CRACD: variants seen among roughly 807,000 people sequenced by gnomAD.
CRACD encodes the protein capping protein inhibiting regulator of actin dynamics, also known as capping protein-inhibiting regulator of actin dynamics.
CRACD carries 56 observed loss-of-function variants against 106.8 expected under a neutral mutation model. The ratio of observed to expected loss-of-function variants is 0.52; its 90% CI spans 0.42 to 0.66. The LOEUF (loss-of-function observed/expected upper bound fraction) is 0.66, where lower values mean the gene tolerates loss of function less well. CRACD is among the 30% of genes least tolerant of loss of function. CRACD has a pLI of 0.00. For synonymous variants in CRACD, 754 were observed against 670.8 expected, an observed-to-expected ratio of 1.12 and a Z score of -1.92; for missense variants, 1,730 against 1,623.2, an observed-to-expected ratio of 1.07 and a Z score of -1.13.
intron 4 of CRACD, 102 bp from the exon 5 acceptor site, chr4:56,307,433 C>CT (rs1744802999): frequency 9.2e-7 from 1 of 1,087,252 alleles, no homozygotes; most frequent in East Asian, 2.4e-5. Context: ...CAGTTGTGCA[C>CT]AAGGTATGCC....
rs774720668 is a variant in CRACD, at chr4:56,314,790, C to T, written c.1288C>T (p.Leu430Phe). 10 of 1,600,114 alleles carry T rather than the reference C, an allele frequency of 6.2e-6. 1 individual carries two copies. The South Asian group carries it at 6.8e-5, about 11-fold the overall frequency. ...SELLNDFEERLEDQERLKPEG... is the reference protein window; with the variant it reads ...SELLNDFEERFEDQERLKPEG... ...GCTTCTGAACGACTTTGAGGAGAGG[C>T]TCGAAGACCAGGAACGCCTGAAACC... Residue 430 changes from leucine to phenylalanine, a missense_variant, in exon 8 of 11, where the codon CTC (leucine) becomes TTC (phenylalanine). Coordinates refer to ENST00000682029, the MANE Select transcript of CRACD (RefSeq NM_001393381.1). The surrounding 1 kb of genome is among the most constrained non-coding windows in gnomAD (Gnocchi z 4.4).
At chr4:56,272,003 C>A (rs576470744) in intron 2 of CRACD, among the ~76,000 whole-genome samples, 24 of 152,352 alleles carry the variant, frequency 1.6e-4, no homozygotes, top group African/African-American at 5.3e-4. Context: ...CTCAGCCTCC[C>A]AAAGTGTTGG....
intron 1 of CRACD, among the ~76,000 whole-genome samples, chr4:56,068,780 T>C (rs1260159558): frequency 6.6e-6 from 1 of 152,110 alleles, no homozygotes; most frequent in Non-Finnish European, 1.5e-5. Context: ...TGCATAAAGA[T>C]CTGGAGTTTG....
intron 1 of CRACD, among the ~76,000 whole-genome samples, chr4:56,153,425 C>A (rs1021182619): frequency 2.6e-5 from 4 of 152,176 alleles, no homozygotes; most frequent in African/African-American, 9.7e-5. Context: ...TCCACCAACC[C>A]CAGCTTCACT....
intron 2 of CRACD, among the ~76,000 whole-genome samples, chr4:56,262,892 A>C (rs1354467466): frequency 1.3e-5 from 2 of 152,200 alleles, no homozygotes; most frequent in Non-Finnish European, 2.9e-5. Flanking sequence ...TGAGGGTCTG[A>C]ATATACCTGT....
chr4:56,134,296 T>A (rs1321899313), intron 1 of CRACD, among the ~76,000 whole-genome samples: 1 of 152,176 alleles, frequency 6.6e-6, no homozygotes, highest in East Asian at 1.9e-4. Flanking sequence ...TGGCACTAAT[T>A]AATCATACCC....
intron 1 of CRACD, among the ~76,000 whole-genome samples, chr4:56,166,280 A>C (rs1450618095): frequency 6.6e-6 from 1 of 152,222 alleles, no homozygotes; most frequent in Non-Finnish European, 1.5e-5. Flanking sequence ...AAAATATGGA[A>C]AAAGTTATGT....
intron 10 of CRACD, among the ~76,000 whole-genome samples, chr4:56,327,106 C>G (rs1228863172): frequency 6.6e-6 from 1 of 152,164 alleles, no homozygotes; most frequent in East Asian, 1.9e-4. Flanking sequence ...ATGGAATTGA[C>G]TGGTTATCAT....
chr4:56,319,626 T>C (rs1237903255), intron 8 of CRACD, among the ~76,000 whole-genome samples: 1 of 152,004 alleles, frequency 6.6e-6, no homozygotes, highest in Non-Finnish European at 1.5e-5. Context: ...AAAAAAAAGC[T>C]TGATTTTGTT....
chr4:56,079,265 G>A (rs4364320), intron 1 of CRACD, among the ~76,000 whole-genome samples: 60,339 of 151,762 alleles, frequency 0.4, 13,561 homozygotes, highest in African/African-American at 0.62. Flanking sequence ...GACTGACTCT[G>A]AAGATATATA....
chr4:56,317,117 G>A (rs1259339630), intron 8 of CRACD, among the ~76,000 whole-genome samples: 1 of 152,198 alleles, frequency 6.6e-6, no homozygotes, highest in East Asian at 1.9e-4. Context: ...AGATACTAGG[G>A]AAGTTTAATT....
intron 1 of CRACD, among the ~76,000 whole-genome samples, chr4:56,137,809 C>G (rs1177844606): frequency 6.6e-6 from 1 of 152,196 alleles, no homozygotes; most frequent in Admixed American, 6.5e-5. Flanking sequence ...GCTATGGCAG[C>G]ACCACTGCAC....
At chr4:56,256,405 T>G (rs1484223099) in intron 2 of CRACD, among the ~76,000 whole-genome samples, 2 of 152,218 alleles carry the variant, frequency 1.3e-5, no homozygotes, top group Admixed American at 1.3e-4. Flanking sequence ...CTTTCTTTTG[T>G]AAATTGCCCA....
intron 1 of CRACD, among the ~76,000 whole-genome samples, chr4:56,125,213 T>A (rs1473626249): frequency 6.6e-6 from 1 of 152,198 alleles, no homozygotes; most frequent in East Asian, 1.9e-4. Context: ...GATTCTTGCC[T>A]AAATGAGTTA....
At chr4:56,054,521 G>A (rs771255478) in intron 1 of CRACD, among the ~76,000 whole-genome samples, 13 of 152,152 alleles carry the variant, frequency 8.5e-5, no homozygotes, top group Non-Finnish European at 1.2e-4. Flanking sequence ...AGATAAGAAC[G>A]AAATCAATTT....
intron 1 of CRACD, among the ~76,000 whole-genome samples, chr4:56,097,889 A>G (rs1733649610): frequency 1.3e-5 from 2 of 152,224 alleles, no homozygotes; most frequent in Admixed American, 6.5e-5. Flanking sequence ...ACTGTTTTAA[A>G]GAATTATCTC....
At chr4:56,317,909 A>C (rs1328574977) in intron 8 of CRACD, among the ~76,000 whole-genome samples, 1 of 152,088 alleles carries the variant, frequency 6.6e-6, no homozygotes, top group Non-Finnish European at 1.5e-5. Flanking sequence ...CCCCCAGAGA[A>C]CCTTCATCTA....
chr4:56,310,573 G>A lies in CRACD; in HGVS notation c.286-93G>A, dbSNP rs1226699073. ...CCAGCTGCACCCCTGTGTAGAGGAG[G>A]GGGTGACCCTACCCAGGCACAGACA... is the stretch of plus-strand genomic sequence containing the variant. On this transcript the variant is annotated intron_variant, in intron 5 of 10. Coordinates refer to ENST00000682029, the MANE Select transcript of CRACD (RefSeq NM_001393381.1). 5.7e-6 allele frequency: 5 copies of A among 871,818 alleles called. No homozygotes were observed. In the Admixed American group the frequency reaches 8.8e-5, roughly 15 times the overall value. 54.0% of individuals were successfully genotyped at this position (871,818 alleles called of 1,614,324 possible). A position where few individuals can be genotyped will look rare whatever the true frequency, so the allele number is the denominator to read the frequency against.
intron 1 of CRACD, among the ~76,000 whole-genome samples, chr4:56,127,481 G>A (rs368937900): frequency 3.3e-5 from 5 of 152,104 alleles, no homozygotes; most frequent in African/African-American, 1.2e-4. Context: ...AGTTTAAAAA[G>A]GATAAATTTT....
Sources: allele counts gnomAD v4.1 joint callset (sites outside exome capture counted in the v4.1 genomes callset), GRCh38; gene constraint gnomAD v4.1.1; non-coding constraint Gnocchi (gnomAD v3.1); transcripts MANE v1.5; gene names NCBI Gene and HGNC (gene_info 2026-07-23, HGNC 2026-07-21).